CNBD1: variants seen among roughly 807,000 people sequenced by gnomAD.
CNBD1 encodes cyclic nucleotide-binding domain-containing protein 1.
CNBD1 carries 71 observed loss-of-function variants against 54.4 expected under a neutral mutation model. The observed-to-expected ratio is 1.30, with a 90% CI of 1.08 to 1.59. CNBD1 has a LOEUF of 1.59. CNBD1 is among the 40% of genes most tolerant of loss of function. The pLI is 0.00. For synonymous variants in CNBD1, 182 were observed against 170.7 expected (o/e 1.07, Z -0.51); for missense variants, 659 against 518.0 (o/e 1.27, Z -2.64).
intron 4 of CNBD1, among the ~76,000 whole-genome samples, chr8:87,124,835 C>T (rs768002019): frequency 1.1e-4 from 16 of 151,604 alleles, no homozygotes; most frequent in South Asian, 6.2e-4. Context: ...TACAAGCATC[C>T]GAGTAGGGAA....
intron 4 of CNBD1, among the ~76,000 whole-genome samples, chr8:87,083,619 G>A (rs1346901040): frequency 3.2e-5 from 4 of 125,440 alleles, no homozygotes; most frequent in Non-Finnish European, 6.4e-5. Context: ...GACGGAGTCT[G>A]ACTCTGTGTC....
At chr8:86,876,714 AG>A (rs1346907446) in intron 1 of CNBD1, among the ~76,000 whole-genome samples, 31 of 152,022 alleles carry the variant, frequency 2.0e-4, no homozygotes, top group Admixed American at 1.8e-3. Context: ...TATATTCCAT[AG>A]GTTCATGAAA....
intron 4 of CNBD1, among the ~76,000 whole-genome samples, chr8:87,155,611 T>A (rs1206840753): frequency 6.6e-6 from 1 of 152,208 alleles, no homozygotes; most frequent in Non-Finnish European, 1.5e-5. Context: ...TGAATAGAGC[T>A]GGTTTGCATT....
intron 8 of CNBD1, among the ~76,000 whole-genome samples, chr8:87,321,308 G>C (rs1366062497): frequency 6.6e-6 from 1 of 152,132 alleles, no homozygotes; most frequent in Non-Finnish European, 1.5e-5. Flanking sequence ...GTATGCACGA[G>C]TTTCAATTTC....
At chr8:86,887,343 TA>T (rs531139545) in intron 1 of CNBD1, among the ~76,000 whole-genome samples, 198 bp from the exon 2 acceptor site, 228 of 152,236 alleles carry the variant, frequency 1.5e-3, no homozygotes, top group African/African-American at 5.3e-3. Flanking sequence ...TTGACATCAA[TA>T]AAAAACATTA....
intron 4 of CNBD1, among the ~76,000 whole-genome samples, chr8:86,976,661 T>C (rs1808349066): frequency 6.6e-6 from 1 of 152,038 alleles, no homozygotes; most frequent in African/African-American, 2.4e-5. Context: ...ATTCTTCCCA[T>C]TCATGAACAT....
At chr8:86,949,966 T>TTG (rs1807568510) in intron 4 of CNBD1, among the ~76,000 whole-genome samples, 2 of 127,760 alleles carry the variant, frequency 1.6e-5, no homozygotes, top group African/African-American at 5.9e-5. Flanking sequence ...TTTTTTTTTT[T>TTG]TTTTTTTTGA....
chr8:86,912,232 T>C (rs1301243674), intron 3 of CNBD1, among the ~76,000 whole-genome samples: 1 of 152,228 alleles, frequency 6.6e-6, no homozygotes, highest in Non-Finnish European at 1.5e-5. Context: ...CAATGTATAG[T>C]ATTTGTACTA....
intron 8 of CNBD1, among the ~76,000 whole-genome samples, chr8:87,290,770 G>GT (rs1808770753): frequency 1.3e-5 from 2 of 152,136 alleles, no homozygotes; most frequent in South Asian, 4.1e-4. Context: ...GTTATTTTGT[G>GT]TAAGTTAAAA....
intron 4 of CNBD1, among the ~76,000 whole-genome samples, chr8:87,128,000 G>C (rs1812028324): frequency 6.6e-6 from 1 of 152,118 alleles, no homozygotes; most frequent in African/African-American, 2.4e-5. Context: ...CAGAAGAATA[G>C]CAGAATGGCA....
At chr8:87,202,914 C>A (rs1009816998) in intron 4 of CNBD1, among the ~76,000 whole-genome samples, 1 of 152,116 alleles carries the variant, frequency 6.6e-6, no homozygotes, top group East Asian at 1.9e-4. Flanking sequence ...GTGGGGAGGG[C>A]AACTTTCCCC....
intron 10 of CNBD1, among the ~76,000 whole-genome samples, chr8:87,375,677 T>C (rs1158221416): frequency 1.3e-5 from 2 of 151,882 alleles, no homozygotes; most frequent in Admixed American, 6.6e-5. Context: ...ATTCATTATG[T>C]CTTGCAAGAC....
intron 3 of CNBD1, among the ~76,000 whole-genome samples, chr8:86,933,709 A>C (rs541722451): frequency 6.6e-6 from 1 of 152,164 alleles, no homozygotes; most frequent in African/African-American, 2.4e-5. Flanking sequence ...GGGTGGGTAC[A>C]TTAAGATTCA....
chr8:87,190,769 T>C (rs566575632), intron 4 of CNBD1, among the ~76,000 whole-genome samples: 1 of 151,704 alleles, frequency 6.6e-6, no homozygotes, highest in Non-Finnish European at 1.5e-5. Context: ...TATAGTCATG[T>C]GTTTTTCCTT....
intron 8 of CNBD1, among the ~76,000 whole-genome samples, chr8:87,333,278 A>G (rs1192654682): frequency 2.0e-5 from 3 of 152,156 alleles, no homozygotes; most frequent in African/African-American, 7.2e-5. Context: ...TTGGGATGAG[A>G]CAATGGATGT....
At chr8:86,868,100 CAAT>C (rs907915098) in intron 1 of CNBD1, among the ~76,000 whole-genome samples, 10 of 152,148 alleles carry the variant, frequency 6.6e-5, no homozygotes, top group Admixed American at 6.5e-4. Context: ...ACTGCTGAAA[CAAT>C]GATCTCATGG....
intron 4 of CNBD1, among the ~76,000 whole-genome samples, chr8:87,041,741 G>A (rs1048904743): frequency 2.6e-5 from 4 of 152,172 alleles, no homozygotes; most frequent in African/African-American, 7.2e-5. Context: ...GGAGCTTGCA[G>A]TGAGCCAAGA....
chr8:87,358,645 G>A (rs1181196798), intron 10 of CNBD1, among the ~76,000 whole-genome samples: 1 of 152,228 alleles, frequency 6.6e-6, no homozygotes, highest in East Asian at 1.9e-4. Context: ...TGATTGTAGA[G>A]TACACAAAGT....
At chr8:87,293,623 G>A (rs981783323) in intron 8 of CNBD1, among the ~76,000 whole-genome samples, 2 of 152,168 alleles carry the variant, frequency 1.3e-5, no homozygotes, top group East Asian at 1.9e-4. Context: ...AGGACAGTTT[G>A]TTGATCTCAA....
Sources: gnomAD v4.1 joint callset for allele counts (sites outside exome capture counted in the v4.1 genomes callset) on GRCh38, gnomAD v4.1.1 for gene constraint, MANE v1.5 for transcripts, NCBI Gene and HGNC (gene_info 2026-07-23, HGNC 2026-07-21) for gene names.